BCKDHB: variants seen among roughly 807,000 people sequenced by gnomAD.
BCKDHB encodes 2-oxoisovalerate dehydrogenase subunit beta, mitochondrial.
Under a neutral mutation model 48.5 loss-of-function variants are expected in BCKDHB, and 41 were observed. The ratio of observed to expected loss-of-function variants is 0.85; its 90% confidence interval spans 0.66 to 1.10. The LOEUF (loss-of-function observed/expected upper bound fraction) is 1.10. BCKDHB is among the 50% of genes least tolerant of loss of function. The probability of loss-of-function intolerance (pLI) is 0.00; values close to 1 mark genes in which losing one functional copy is unlikely to be tolerated. For missense variants in BCKDHB, 496 were observed against 494.2 expected (o/e 1.00, Z -0.03); for synonymous variants, 201 against 174.8 (o/e 1.15, Z -1.18).
intron 6 of BCKDHB, among the ~76,000 whole-genome samples, chr6:80,184,728 A>G (rs971410784): frequency 1.4e-4 from 22 of 152,234 alleles, no homozygotes; most frequent in African/African-American, 5.3e-4. Flanking sequence ...TTCTTGGCTG[A>G]TAATTATTTT....
In BCKDHB at chr6:80,210,239, A is replaced by G. The variant is rs576924022; in HGVS notation, c.951+7027A>G. Among the ~76,000 whole-genome samples the G allele has an allele frequency of 1.7e-4, 25 of 144,310 alleles. No homozygotes were observed. The South Asian group carries it at 5.8e-3, about 34-fold the overall frequency. 94.7% of individuals were successfully genotyped at this position (144,310 alleles called of 152,430 possible). ...CTCATCAACTAGAGAATGGATCAAT[A>G]ATAAGTATAATATTGTTCAGCGATG... On this transcript the variant is annotated intron_variant, in intron 8 of 9. Transcript: ENST00000320393.
intron 9 of BCKDHB, among the ~76,000 whole-genome samples, chr6:80,276,083 A>G (rs1185761837): frequency 6.6e-6 from 1 of 152,042 alleles, no homozygotes; most frequent in Non-Finnish European, 1.5e-5. Context: ...GATGAGAATG[A>G]TGTATAAATT....
intron 9 of BCKDHB, among the ~76,000 whole-genome samples, chr6:80,328,454 G>C (rs1769152440): frequency 1.3e-5 from 2 of 152,144 alleles, no homozygotes; most frequent in South Asian, 4.1e-4. Context: ...CAAAGAAGTT[G>C]AGATGTTTTG....
intron 9 of BCKDHB, among the ~76,000 whole-genome samples, chr6:80,316,246 A>G (rs1022894779): frequency 6.6e-6 from 1 of 152,196 alleles, no homozygotes; most frequent in African/African-American, 2.4e-5. Context: ...TTCACAGTCC[A>G]ATTATCTTAA....
At chr6:80,189,481 A>G (rs1210664564) in intron 6 of BCKDHB, among the ~76,000 whole-genome samples, 1 of 152,214 alleles carries the variant, frequency 6.6e-6, no homozygotes, top group Non-Finnish European at 1.5e-5. Context: ...ACAATGCCCA[A>G]ACTGAACACT....
At chr6:80,391,803 T>C in the BCKDHB span, among the ~76,000 whole-genome samples, 1 of 152,204 alleles carries the variant, frequency 6.6e-6, no homozygotes, top group South Asian at 2.1e-4. Context: ...GTTTACCATT[T>C]TATTCCTTAA....
At chr6:80,283,980 A>G (rs1001819435) in intron 9 of BCKDHB, among the ~76,000 whole-genome samples, 4 of 152,156 alleles carry the variant, frequency 2.6e-5, no homozygotes, top group African/African-American at 4.8e-5. Flanking sequence ...ATGTTTTGTC[A>G]GCATTGTATT....
At chr6:80,278,785 C>G (rs1778071977) in intron 9 of BCKDHB, among the ~76,000 whole-genome samples, 1 of 152,020 alleles carries the variant, frequency 6.6e-6, no homozygotes, top group Non-Finnish European at 1.5e-5. Flanking sequence ...TCTTGAACTC[C>G]TGACCTTGTG....
chr6:80,116,442 T>C (rs1163279115), intron 1 of BCKDHB, among the ~76,000 whole-genome samples: 1 of 152,254 alleles, frequency 6.6e-6, no homozygotes, highest in Non-Finnish European at 1.5e-5. Context: ...ACCTATTACA[T>C]GTCAGGCCCT....
the BCKDHB span, among the ~76,000 whole-genome samples, chr6:80,383,263 T>C: frequency 6.6e-6 from 1 of 152,198 alleles, no homozygotes; most frequent in Admixed American, 6.6e-5. Context: ...AAATTGTTTT[T>C]TTCTTGTTCT....
intron 6 of BCKDHB, among the ~76,000 whole-genome samples, chr6:80,193,508 C>T (rs1289602791): frequency 3.3e-5 from 5 of 152,078 alleles, no homozygotes; most frequent in Admixed American, 6.6e-5. Context: ...CACCTGAGGT[C>T]AGGAGTTCAA....
chr6:80,362,733 A>C, the BCKDHB span, among the ~76,000 whole-genome samples: 2 of 152,226 alleles, frequency 1.3e-5, no homozygotes, highest in Non-Finnish European at 2.9e-5. Flanking sequence ...GAGAGATTTG[A>C]TGTGAACAAA....
chr6:80,311,779 T>G lies in BCKDHB; in HGVS notation c.1039-31885T>G, dbSNP rs117406228. 8.3e-3 allele frequency among the ~76,000 whole-genome samples: 1,271 copies of G among 152,234 alleles called. 17 individuals are homozygous for G. The highest frequency in any genetic ancestry group is 0.052 in the East Asian group (271 of 5,180). ...CTGGGTTCTCTATTGTGTTTCATTG[T>G]TCTGTGTGTCTGTTTTTCTACCAGT... On this transcript the variant is annotated intron_variant, in intron 9 of 9. Transcript: ENST00000320393.
intron 3 of BCKDHB, among the ~76,000 whole-genome samples, chr6:80,156,299 G>A (rs1300377127): frequency 1.3e-5 from 2 of 151,666 alleles, no homozygotes; most frequent in African/African-American, 4.8e-5. Flanking sequence ...TTGTGTTCAT[G>A]GTAATGTGAA....
chr6:80,409,085 T>C, the BCKDHB span, among the ~76,000 whole-genome samples: 4 of 152,200 alleles, frequency 2.6e-5, no homozygotes, highest in Non-Finnish European at 4.4e-5. Flanking sequence ...TTTCTTCTTA[T>C]TGGTTTCAAA....
the BCKDHB span, among the ~76,000 whole-genome samples, chr6:80,407,159 T>A: frequency 6.6e-6 from 1 of 152,206 alleles, no homozygotes; most frequent in Non-Finnish European, 1.5e-5. Flanking sequence ...AAAGATTAGA[T>A]GGATATAGAT....
chr6:80,383,015 TG>T, the BCKDHB span, among the ~76,000 whole-genome samples: 1 of 152,212 alleles, frequency 6.6e-6, no homozygotes, highest in Admixed American at 6.5e-5. Flanking sequence ...TTCTCTCTCA[TG>T]TACATGTTGG....
At chr6:80,426,099 GTCT>G in the BCKDHB span, among the ~76,000 whole-genome samples, 2 of 152,130 alleles carry the variant, frequency 1.3e-5, no homozygotes, top group African/African-American at 2.4e-5. Context: ...GGTAGAGAGA[GTCT>G]TCTTATATCT....
intron 3 of BCKDHB, among the ~76,000 whole-genome samples, chr6:80,141,382 A>G (rs1243867051): frequency 6.6e-6 from 1 of 152,126 alleles, no homozygotes; most frequent in Non-Finnish European, 1.5e-5. Context: ...GTTTGAAAAA[A>G]ATCTATTTTT....
Sources: allele counts gnomAD v4.1 joint callset (sites outside exome capture counted in the v4.1 genomes callset), GRCh38; gene constraint gnomAD v4.1.1; transcripts MANE v1.5; gene names NCBI Gene and HGNC (gene_info 2026-07-23, HGNC 2026-07-21).